Variants in SERPING1 observed in about 807,000 individuals in gnomAD.
SERPING1 encodes the protein serpin family G member 1, also known as plasma protease C1 inhibitor.
SERPING1 carries 5 observed loss-of-function variants against 34.1 expected under a neutral mutation model. The observed-to-expected ratio is 0.15, with a 90% confidence interval of 0.08 to 0.31. The LOEUF (loss-of-function observed/expected upper bound fraction) is 0.31. Among genes scored for constraint, SERPING1 ranks in the 10% least tolerant of loss-of-function variants. The probability of loss-of-function intolerance (pLI) is 1.00; values close to 1 mark genes in which losing one functional copy is unlikely to be tolerated. For synonymous variants in SERPING1, 225 were observed against 242.4 expected (o/e 0.93, Z 0.67); for missense variants, 505 against 609.5 (o/e 0.83, Z 1.81).
chr11:57,599,774 T>C (rs770229334), intron 2 of SERPING1, 105 bp from the exon 3 acceptor site: 4 of 1,516,412 alleles, frequency 2.6e-6, no homozygotes, highest in South Asian at 2.3e-5. Context: ...TACTCTCTTG[T>C]ACAGGACATT....
chr11:57,605,158 G>A (rs1220614802), intron 4 of SERPING1, among the ~76,000 whole-genome samples: 6 of 151,972 alleles, frequency 3.9e-5, no homozygotes, highest in Admixed American at 1.3e-4. Context: ...AGCTTTATCC[G>A]CTGTCTTGCT....
At chr11:57,601,038 T>TGGGCAG (rs1945342238) in intron 3 of SERPING1, among the ~76,000 whole-genome samples, 9 of 152,082 alleles carry the variant, frequency 5.9e-5, no homozygotes, top group Non-Finnish European at 8.8e-5. Flanking sequence ...CAGATCACTT[T>TGGGCAG]AACCTCTCTG....
intron 7 of SERPING1, 24 bp from the exon 8 acceptor site, chr11:57,614,304 T>A: frequency 1.9e-6 from 3 of 1,612,292 alleles, no homozygotes; most frequent in Non-Finnish European, 2.5e-6. Flanking sequence ...CTTCTGACTC[T>A]GTTTTTCTCT....
intron 3 of SERPING1, among the ~76,000 whole-genome samples, 167 bp from the exon 4 acceptor site, chr11:57,601,855 CAAAAAAAAAAAAA>C (rs5792050): frequency 1.9e-4 from 11 of 57,790 alleles, no homozygotes; most frequent in African/African-American, 6.8e-4. Context: ...GACTCTGTCT[CAAAAAAAAAAAAA>C]AAAAAAAAAA....
chr11:57,599,715 G>A, intron 2 of SERPING1, 164 bp from the exon 3 acceptor site: 1 of 909,504 alleles, frequency 1.1e-6, no homozygotes, highest in Non-Finnish European at 1.7e-6. Flanking sequence ...TGAGGAATTA[G>A]TGGTGGTGGT....
intron 2 of SERPING1, among the ~76,000 whole-genome samples, chr11:57,599,307 G>A (rs1205684290): frequency 6.6e-6 from 1 of 152,258 alleles, no homozygotes; most frequent in South Asian, 2.1e-4. Context: ...TCCCCTGGGA[G>A]TCAAAATTGT....
intron 4 of SERPING1, among the ~76,000 whole-genome samples, chr11:57,602,422 A>T (rs1169334741): frequency 6.6e-6 from 1 of 152,226 alleles, no homozygotes; most frequent in East Asian, 1.9e-4. Flanking sequence ...GGGCAGGTAC[A>T]GTAAAATAGT....
chr11:57,610,172 A>G (rs1223891011), intron 6 of SERPING1, among the ~76,000 whole-genome samples: 7 of 152,234 alleles, frequency 4.6e-5, no homozygotes, highest in Non-Finnish European at 1.5e-5. Flanking sequence ...ATTTTAAATA[A>G]CAAACATACA....
intron 7 of SERPING1, among the ~76,000 whole-genome samples, chr11:57,613,912 C>A (rs1313428383): frequency 6.6e-6 from 1 of 151,972 alleles, no homozygotes; most frequent in African/African-American, 2.4e-5. Flanking sequence ...GGATCGGAGA[C>A]CAAATATTAG....
rs11229062 is a variant in SERPING1 at position 57,599,944 on chromosome 11, C to G, written c.117C>G (p.Asp39Glu). 6.2e-6 allele frequency: 10 copies of G among 1,614,080 alleles called. No homozygotes were observed. The African/African-American group carries it at 1.3e-4, about 22-fold the overall frequency. ...SSSQDPESLQ[D>E]RGEGKVATTV... ...CCCAGGATCCAGAGAGTTTGCAAGA[C>G]AGAGGCGAAGGGAAGGTCGCAACAA... is the stretch of plus-strand genomic sequence containing the variant. Residue 39 changes from aspartate to glutamate, a missense_variant, in exon 3 of 8, where the codon GAC (aspartate) becomes GAG (glutamate). Coordinates refer to ENST00000278407, the MANE Select transcript of SERPING1 (RefSeq NM_000062.3).
chr11:57,606,035 G>A lies in SERPING1; in HGVS notation c.711G>A (p.Val237=), dbSNP rs1205366607. The change falls in exon 5 of 8, where the codon GTG becomes GTA. Residue 237 remains valine (V), a synonymous_variant. Coordinates refer to ENST00000278407, the MANE Select transcript of SERPING1 (RefSeq NM_000062.3). ...ACCTGGCCATAAGGGACACCTTTGT[G>A]AATGCCTCTCGGACCCTGTACAGCA... ...SPDLAIRDTF[V]NASRTLYSSS... is the part of the protein sequence containing the mutation. 5.6e-6 allele frequency: 9 copies of A among 1,614,016 alleles called. No individual in the cohort carries two copies. The highest frequency in any genetic ancestry group is 7.6e-6 in the Non-Finnish European group (9 of 1,180,038).
Position 57,611,683 on chromosome 11 carries a change from G to A in SERPING1, c.1030-34G>A, listed in dbSNP as rs779309825. 5.1e-6 allele frequency: 8 copies of A among 1,580,006 alleles called. No individual in the cohort carries two copies. In the African/African-American group the frequency reaches 1.1e-4, roughly 21 times the overall value. On this transcript the variant is annotated intron_variant, in intron 6 of 7. Coordinates refer to ENST00000278407, the MANE Select transcript of SERPING1 (RefSeq NM_000062.3). ...GTGGGGCCAGGAGAGAGATGCGGTA[G>A]GAAGACTGTTAAGATGCATCTCTTA...
chr11:57,601,959 G>A, intron 3 of SERPING1, 76 bp from the exon 4 acceptor site: 1 of 1,566,608 alleles, frequency 6.4e-7, no homozygotes, highest in South Asian at 1.1e-5. Flanking sequence ...ATTCCAGCCT[G>A]GTCCCCAACC....
intron 7 of SERPING1, among the ~76,000 whole-genome samples, chr11:57,612,539 G>C (rs370533433): frequency 6.6e-6 from 1 of 150,406 alleles, no homozygotes; most frequent in East Asian, 2.0e-4. Context: ...TCAGCCTCCC[G>C]AGTAGCTGGG....
At chr11:57,607,167 G>A (rs1945418817) in intron 6 of SERPING1, among the ~76,000 whole-genome samples, 1 of 152,182 alleles carries the variant, frequency 6.6e-6, no homozygotes, top group Admixed American at 6.5e-5. Context: ...AACAGTAAGA[G>A]ACAATGTCTC....
At chr11:57,597,901 T>G in intron 1 of SERPING1, 179 bp downstream of exon 1, 2 of 226,970 alleles carry the variant, frequency 8.8e-6, no homozygotes, top group Non-Finnish European at 1.7e-5. Flanking sequence ...GCCTCAGGCC[T>G]GTTGTGCTCA....
chr11:57,606,886 A>G, intron 6 of SERPING1: 1 of 565,374 alleles, frequency 1.8e-6, no homozygotes, highest in South Asian at 1.5e-5. Flanking sequence ...TCCTGTGTGT[A>G]TGTGGGTACC....
At chr11:57,598,192 TG>T in intron 1 of SERPING1, 56 bp from the exon 2 acceptor site, 1 of 1,396,084 alleles carries the variant, frequency 7.2e-7, no homozygotes, top group African/African-American at 1.4e-5. Flanking sequence ...CCGGGCGGGG[TG>T]GGGGCCCCTG....
At chr11:57,612,056 A>G (rs1360586599) in intron 7 of SERPING1, 120 bp downstream of exon 7, 2 of 872,386 alleles carry the variant, frequency 2.3e-6, no homozygotes, top group African/African-American at 1.7e-5. Context: ...TTGTCCTGCA[A>G]CCCTGCAAGT....
Sources: gnomAD v4.1 joint callset for allele counts (sites outside exome capture counted in the v4.1 genomes callset) on GRCh38, gnomAD v4.1.1 for gene constraint, MANE v1.5 for transcripts, NCBI Gene and HGNC (gene_info 2026-07-23, HGNC 2026-07-21) for gene names.